The following TAS2R1 variants were observed in gnomAD, a reference collection of about 807,000 sequenced individuals.
TAS2R1 encodes taste 2 receptor member 1.
For missense variants in TAS2R1, 370 were observed against 353.4 expected, an observed-to-expected ratio of 1.05 and a Z score of -0.38; for synonymous variants, 141 against 134.2, an observed-to-expected ratio of 1.05 and a Z score of -0.35.
the TAS2R1 span, among the ~76,000 whole-genome samples, chr5:9,765,219 G>T: frequency 1.1e-4 from 16 of 152,016 alleles, no homozygotes; most frequent in Admixed American, 6.6e-4. Context: ...TACAAATATT[G>T]TTATTTAAAT....
the TAS2R1 span, among the ~76,000 whole-genome samples, chr5:9,791,093 C>G: frequency 6.6e-6 from 1 of 152,280 alleles, no homozygotes; most frequent in East Asian, 1.9e-4. Flanking sequence ...AGAATATTAA[C>G]AAGATCTATG....
chr5:9,796,730 A>AG, the TAS2R1 span, among the ~76,000 whole-genome samples: 2 of 150,532 alleles, frequency 1.3e-5, no homozygotes, highest in South Asian at 4.4e-4. Flanking sequence ...GGAAAAAAAA[A>AG]AAAAAAAAAG....
the TAS2R1 span, among the ~76,000 whole-genome samples, chr5:9,852,749 C>T: frequency 2.6e-5 from 4 of 152,102 alleles, no homozygotes; most frequent in Non-Finnish European, 5.9e-5. Flanking sequence ...GCACTGATAC[C>T]CCTGTACAAC....
the TAS2R1 span, among the ~76,000 whole-genome samples, chr5:9,796,916 C>T: frequency 1.3e-5 from 2 of 152,194 alleles, no homozygotes; most frequent in Admixed American, 1.3e-4. Context: ...CCCTGCTAAC[C>T]CAAACATGTT....
chr5:9,792,029 G>A, the TAS2R1 span, among the ~76,000 whole-genome samples: 1 of 152,188 alleles, frequency 6.6e-6, no homozygotes. Context: ...GGATTCAAGT[G>A]GGATAACAAG....
chr5:9,635,500 G>C (rs1335478902), intron 2 of TAS2R1, among the ~76,000 whole-genome samples: 8 of 151,792 alleles, frequency 5.3e-5, no homozygotes, highest in African/African-American at 1.7e-4. Flanking sequence ...TCTATCTTTT[G>C]GAATAGTTTT....
chr5:9,726,070 A>G, the TAS2R1 span, among the ~76,000 whole-genome samples: 19 of 133,764 alleles, frequency 1.4e-4, no homozygotes, highest in African/African-American at 3.0e-4. Context: ...CCTGTATCTA[A>G]CTACTCTGGT....
At chr5:9,668,690 C>T (rs1740689412) in intron 1 of TAS2R1, among the ~76,000 whole-genome samples, 1 of 152,092 alleles carries the variant, frequency 6.6e-6, no homozygotes, top group Admixed American at 6.6e-5. Flanking sequence ...GAAATAAGAT[C>T]CTTTTCAGAT....
intron 2 of TAS2R1, among the ~76,000 whole-genome samples, chr5:9,636,693 C>CT (rs1739970664): frequency 6.6e-6 from 1 of 151,892 alleles, no homozygotes; most frequent in Admixed American, 6.6e-5. Context: ...CTTTTTGTCT[C>CT]TTTTTTACTG....
At chr5:9,809,228 GT>G in the TAS2R1 span, among the ~76,000 whole-genome samples, 112 of 152,300 alleles carry the variant, frequency 7.4e-4, no homozygotes, top group African/African-American at 2.6e-3. Context: ...GCTAGAATAA[GT>G]TAAAATTTGG....
At chr5:9,762,955 T>G in the TAS2R1 span, among the ~76,000 whole-genome samples, 1 of 152,208 alleles carries the variant, frequency 6.6e-6, no homozygotes, top group African/African-American at 2.4e-5. Flanking sequence ...AGGATTCTTT[T>G]CTACAAACAC....
At chr5:9,782,642 C>T in the TAS2R1 span, among the ~76,000 whole-genome samples, 1 of 152,242 alleles carries the variant, frequency 6.6e-6, no homozygotes, top group Non-Finnish European at 1.5e-5. Flanking sequence ...CTTTACATCA[C>T]TGATGGGCGC....
At chr5:9,678,444 G>A (rs573015864) in intron 1 of TAS2R1, among the ~76,000 whole-genome samples, 20 of 152,104 alleles carry the variant, frequency 1.3e-4, no homozygotes, top group Admixed American at 3.3e-4. Flanking sequence ...TATACCCAAA[G>A]GAATATAGAT....
the TAS2R1 span, among the ~76,000 whole-genome samples, chr5:9,822,793 T>C: frequency 1.1e-4 from 16 of 152,286 alleles, no homozygotes; most frequent in African/African-American, 3.9e-4. Context: ...GGATAATCTG[T>C]GATTTTTAAT....
At chr5:9,809,377 T>C in the TAS2R1 span, among the ~76,000 whole-genome samples, 27 of 152,252 alleles carry the variant, frequency 1.8e-4, no homozygotes, top group East Asian at 4.6e-3. Context: ...TCCAATGTGA[T>C]GGTATTAGTA....
chr5:9,767,920 T>A, the TAS2R1 span, among the ~76,000 whole-genome samples: 1 of 69,452 alleles, frequency 1.4e-5, no homozygotes, highest in Non-Finnish European at 2.6e-5. Context: ...CGAGACTCCG[T>A]CTCAAAAAAA....
At chr5:9,748,333 T>C in the TAS2R1 span, among the ~76,000 whole-genome samples, 1 of 152,196 alleles carries the variant, frequency 6.6e-6, no homozygotes, top group African/African-American at 2.4e-5. Context: ...TATAAGACCA[T>C]AATCTAATGG....
chr5:9,797,249 T>C, the TAS2R1 span, among the ~76,000 whole-genome samples: 1 of 152,210 alleles, frequency 6.6e-6, no homozygotes, highest in African/African-American at 2.4e-5. Context: ...GGTTTGCTAC[T>C]GGCATGTAGT....
At chr5:9,779,561 G>A in the TAS2R1 span, among the ~76,000 whole-genome samples, 236 of 152,296 alleles carry the variant, frequency 1.5e-3, no homozygotes, top group African/African-American at 5.3e-3. Context: ...AAGAGGAGAG[G>A]AAGAGAGATG....
Sources: gnomAD v4.1 joint callset for allele counts (sites outside exome capture counted in the v4.1 genomes callset) on GRCh38, gnomAD v4.1.1 for gene constraint, MANE v1.5 for transcripts, NCBI Gene and HGNC (gene_info 2026-07-23, HGNC 2026-07-21) for gene names.